SH3RF1: variants seen among roughly 807,000 people sequenced by gnomAD.
SH3RF1 encodes the protein E3 ubiquitin-protein ligase SH3RF1.
A neutral mutation model predicts 74.0 loss-of-function variants in SH3RF1; 32 were observed. The ratio of observed to expected loss-of-function variants is 0.43; its 90% confidence interval spans 0.33 to 0.58. SH3RF1 has a LOEUF of 0.58. SH3RF1 is among the 20% of genes least tolerant of loss of function. SH3RF1 has a pLI of 0.05. For missense variants in SH3RF1, 954 were observed against 1,130.9 expected, an observed-to-expected ratio of 0.84 and a Z score of 2.24; for synonymous variants, 396 against 439.6, an observed-to-expected ratio of 0.90 and a Z score of 1.24.
chr4:169,196,735 C>T (rs909788380), intron 2 of SH3RF1, among the ~76,000 whole-genome samples: 8 of 152,180 alleles, frequency 5.3e-5, no homozygotes, highest in Admixed American at 1.3e-4. Flanking sequence ...TCTCCTTCAT[C>T]AGGAATGTTA....
chr4:169,195,332 C>A (rs368957525), intron 2 of SH3RF1, among the ~76,000 whole-genome samples: 6 of 152,184 alleles, frequency 3.9e-5, no homozygotes, highest in Non-Finnish European at 7.3e-5. Flanking sequence ...TTTTTCCCCC[C>A]ACTCTGGTTG....
intron 2 of SH3RF1, among the ~76,000 whole-genome samples, chr4:169,256,744 A>C (rs1017011543): frequency 2.0e-5 from 3 of 152,002 alleles, no homozygotes; most frequent in African/African-American, 7.2e-5. Flanking sequence ...CTACAGGTGC[A>C]TGCCACCATG....
chr4:169,100,903 C>T (rs1733015856), intron 11 of SH3RF1, among the ~76,000 whole-genome samples: 1 of 152,218 alleles, frequency 6.6e-6, no homozygotes, highest in Admixed American at 6.5e-5. Flanking sequence ...GCAGTTCCTT[C>T]TAGTGGGAGT....
chr4:169,122,025 G>C, intron 7 of SH3RF1, 75 bp downstream of exon 7: 1 of 1,563,690 alleles, frequency 6.4e-7, no homozygotes, highest in Non-Finnish European at 8.7e-7. Flanking sequence ...TGTCAGAAAG[G>C]TGTTTCTTGA....
At chr4:169,190,054 C>T (rs1734673169) in intron 2 of SH3RF1, among the ~76,000 whole-genome samples, 1 of 151,876 alleles carries the variant, frequency 6.6e-6, no homozygotes, top group Non-Finnish European at 1.5e-5. Context: ...ACTATCAAAA[C>T]CTATGGGACA....
Position 169,106,931 on chromosome 4 carries a change from G to A in SH3RF1, c.2414C>T (p.Ala805Val). 1 of 1,613,842 alleles carries A rather than the reference G, an allele frequency of 6.2e-7. No homozygotes were observed. The stretch of plus-strand genomic sequence containing the variant: ...GCGAGGAGGTGGAGCGATGGGAACT[G>A]CGGAGTCCAGGGAACTTGCCTTCCT... ...FHRKASSLDS[A>V]VPIAPPPRQA... Residue 805 changes from alanine (A) to valine (V), a missense_variant, in exon 11 of 12, where the codon GCA (alanine) becomes GTA (valine). By Grantham distance (64) the Ala-to-Val change is moderately conservative. Coordinates refer to ENST00000284637, the MANE Select transcript of SH3RF1 (RefSeq NM_020870.4).
Position 169,249,993 on chromosome 4 carries a change from C to T in SH3RF1, c.393+18827G>A, listed in dbSNP as rs113263674. On this transcript the variant is annotated intron_variant, in intron 2 of 11. Coordinates refer to ENST00000284637, the MANE Select transcript of SH3RF1 (RefSeq NM_020870.4). ...CGATTATCTGAAGTCTGATTTGAAT[C>T]CACACTATATCAAATGAGGAAATAT... Among the ~76,000 whole-genome samples, 410 of 152,216 alleles carry T rather than the reference C, an allele frequency of 2.7e-3. 1 individual carries two copies. Among genetic ancestry groups the T allele is most frequent in the African/African-American group, 9.3e-3 (388 of 41,532 alleles).
At chr4:169,266,783 T>C (rs569351417) in intron 2 of SH3RF1, among the ~76,000 whole-genome samples, 2 of 152,250 alleles carry the variant, frequency 1.3e-5, no homozygotes, top group South Asian at 2.1e-4. Context: ...CCACAGTACC[T>C]GGCTCGAAAA....
At chr4:169,205,167 T>C (rs1730230910) in intron 2 of SH3RF1, among the ~76,000 whole-genome samples, 1 of 152,228 alleles carries the variant, frequency 6.6e-6, no homozygotes, top group Non-Finnish European at 1.5e-5. Flanking sequence ...TTCTGACATT[T>C]GTTTTGAAAC....
chr4:169,168,572 G>A (rs1734280964), intron 2 of SH3RF1, among the ~76,000 whole-genome samples: 1 of 152,176 alleles, frequency 6.6e-6, no homozygotes, highest in Non-Finnish European at 1.5e-5. Context: ...AAGTCTGATT[G>A]GAACTCGCTG....
intron 2 of SH3RF1, among the ~76,000 whole-genome samples, chr4:169,192,730 A>G (rs1314606657): frequency 6.6e-6 from 1 of 151,442 alleles, no homozygotes; most frequent in Non-Finnish European, 1.5e-5. Flanking sequence ...ACGTGAAACC[A>G]ACCCAAATAG....
chr4:169,250,118 G>A (rs1469011785), intron 2 of SH3RF1, among the ~76,000 whole-genome samples: 1 of 152,186 alleles, frequency 6.6e-6, no homozygotes, highest in Non-Finnish European at 1.5e-5. Flanking sequence ...CTAAGAATAT[G>A]TTAAGCATAG....
chr4:169,117,189 G>A (rs545522460), intron 9 of SH3RF1, among the ~76,000 whole-genome samples: 31 of 151,506 alleles, frequency 2.0e-4, no homozygotes, highest in Admixed American at 1.8e-3. Context: ...CAGCACACCC[G>A]TTAGTAGAGT....
chr4:169,244,993 G>A (rs1730972054), intron 2 of SH3RF1, among the ~76,000 whole-genome samples: 1 of 152,154 alleles, frequency 6.6e-6, no homozygotes, highest in Non-Finnish European at 1.5e-5. Flanking sequence ...ATATACTACA[G>A]TACATATACT....
At chr4:169,124,064 GATA>G (rs1733485872) in intron 6 of SH3RF1, among the ~76,000 whole-genome samples, 1 of 152,142 alleles carries the variant, frequency 6.6e-6, no homozygotes, top group Non-Finnish European at 1.5e-5. Flanking sequence ...ACAGTTCATG[GATA>G]ATAATGCATC....
At chr4:169,270,217 G>C (rs1245462692) in intron 1 of SH3RF1, among the ~76,000 whole-genome samples, 1 of 152,150 alleles carries the variant, frequency 6.6e-6, no homozygotes, top group African/African-American at 2.4e-5. Context: ...CGGAGCGGGG[G>C]AGCCCCAGGG....
chr4:169,191,234 C>T (rs1184039714), intron 2 of SH3RF1, among the ~76,000 whole-genome samples: 1 of 146,226 alleles, frequency 6.8e-6, no homozygotes, highest in Non-Finnish European at 1.5e-5. Flanking sequence ...AGTAGCTCTT[C>T]TATATACCAA....
intron 1 of SH3RF1, among the ~76,000 whole-genome samples, chr4:169,270,367 C>T (rs1198232681): frequency 6.6e-6 from 1 of 152,084 alleles, no homozygotes; most frequent in Admixed American, 6.5e-5. Flanking sequence ...GGGGCTGCGG[C>T]CCGGCCGGTC....
intron 2 of SH3RF1, 88 bp from the exon 3 acceptor site, chr4:169,156,767 G>C (rs1579111201): frequency 1.6e-6 from 2 of 1,288,950 alleles, no homozygotes; most frequent in Non-Finnish European, 2.1e-6. Flanking sequence ...TTGTTTTAAA[G>C]TCAAAGTCAA....
Sources: allele counts gnomAD v4.1 joint callset (sites outside exome capture counted in the v4.1 genomes callset), GRCh38; gene constraint gnomAD v4.1.1; transcripts MANE v1.5; gene names NCBI Gene and HGNC (gene_info 2026-07-23, HGNC 2026-07-21).